ZNF253: variants seen among roughly 807,000 people sequenced by gnomAD.
ZNF253 encodes the protein DNA-binding protein.
Under a neutral mutation model 11.9 loss-of-function variants are expected in ZNF253, and 8 were observed. The ratio of observed to expected loss-of-function variants is 0.67; its 90% CI spans 0.40 to 1.22. The LOEUF (loss-of-function observed/expected upper bound fraction) is 1.22, where lower values mean the gene tolerates loss of function less well. Ranked by LOEUF, ZNF253 falls within the 50% of genes most tolerant of loss-of-function variation. ZNF253 has a pLI of 0.01. For synonymous variants in ZNF253, 194 were observed against 194.9 expected, an observed-to-expected ratio of 1.00 and a Z score of 0.04; for missense variants, 485 against 586.9, an observed-to-expected ratio of 0.83 and a Z score of 1.79.
intron 3 of ZNF253, among the ~76,000 whole-genome samples, chr19:19,884,022 A>C (rs1599555696): frequency 6.7e-6 from 1 of 149,260 alleles, no homozygotes; most frequent in Non-Finnish European, 1.5e-5. Context: ...GGGCCATTGC[A>C]CTCCAGCCTG....
rs572120316 is a variant in ZNF253, at chr19:19,870,263, G to A, written c.3+4264G>A. Reference sequence around the variant, plus strand: ...AAAAATTAGCTGGGTGTGGTGGCACGCGCCTGTAATCCCAGCTACTTGGCA... The same window carrying A: ...AAAAATTAGCTGGGTGTGGTGGCACACGCCTGTAATCCCAGCTACTTGGCA... On this transcript the variant is annotated intron_variant, in intron 1 of 3. Transcript: ENST00000589717. 2.4e-4 allele frequency among the ~76,000 whole-genome samples: 37 copies of A among 151,744 alleles called. No individual in the cohort carries two copies. In the South Asian group the frequency reaches 6.5e-3, roughly 26 times the overall value.
chr19:19,885,911 C>T (rs1318605645), intron 3 of ZNF253, among the ~76,000 whole-genome samples: 1 of 152,078 alleles, frequency 6.6e-6, no homozygotes, highest in African/African-American at 2.4e-5. Flanking sequence ...TTGAATTTGC[C>T]ATTTGACTTT....
Position 19,892,076 on chromosome 19 carries a change from G to T in ZNF253, c.829G>T (p.Val277Phe). ...CACAGACCTTACTACACATAAGATA[G>T]TTCATACTGGAGAGAAACCCTACAA... Reference protein sequence around the residue: ...RSTDLTTHKIVHTGEKPYKCE... With the variant: ...RSTDLTTHKIFHTGEKPYKCE... Residue 277 changes from valine to phenylalanine, a missense_variant, in exon 4 of 4, where the codon GTT becomes TTT. This residue lies in a region of ZNF253 where 232 missense variants were observed against 321.4 expected (regional missense o/e 0.72). Transcript: ENST00000589717. 7 of 1,593,260 alleles carry T rather than the reference G, an allele frequency of 4.4e-6. No homozygotes were observed. The highest frequency in any genetic ancestry group is 6.0e-6 in the Non-Finnish European group (7 of 1,172,070).
In ZNF253 at chr19:19,880,068, C is replaced by T; in HGVS notation, c.148C>T (p.Pro50Ser). The T allele has an allele frequency of 6.2e-7, 1 of 1,605,446 alleles. No individual in the cohort carries two copies. Among genetic ancestry groups the T allele is most frequent in the South Asian group, 1.1e-5 (1 of 89,882 alleles). ...TAAAACAGGTATTGTTGTCTCTAAG[C>T]CAGACCTGGTTACCTGTCTGGAGCA... is the stretch of plus-strand genomic sequence containing the variant. ...LVFLGIVVSK[P>S]DLVTCLEQGK... The change falls in exon 3 of 4, where the codon CCA (proline) becomes TCA (serine). Residue 50 changes from proline to serine, a missense_variant. By Grantham distance (74) the Pro-to-Ser change is moderately conservative. This residue lies in a region of ZNF253 where 218 missense variants were observed against 213.1 expected (regional missense o/e 1.02). Coordinates refer to ENST00000589717, the MANE Select transcript of ZNF253 (RefSeq NM_021047.3).
In ZNF253 at chr19:19,891,582, TA is replaced by T. The variant is rs774038489; in HGVS notation, c.342del (p.Gly115AlafsTer22). On this transcript the variant is annotated frameshift_variant, in exon 4 of 4. Transcript: ENST00000589717. LOFTEE classifies it low-confidence loss of function (END_TRUNC). ...GAATGCAGACATGACAATTTACAGT[TA>T]AAAAAAGGCTGTAAAAGCGTGGGTG... is the stretch of plus-strand genomic sequence containing the variant. The part of the protein sequence containing the change: ...YEECRHDNLQ[L>X]KKGCKSVGEH... 14 of 1,613,862 alleles carry T rather than the reference TA, an allele frequency of 8.7e-6. No homozygotes were observed. The African/African-American group carries it at 1.9e-4, about 22-fold the overall frequency.
In ZNF253 at chr19:19,875,179, G is replaced by A. The variant is rs79355544; in HGVS notation, c.4-3302G>A. The stretch of plus-strand genomic sequence containing the variant: ...GCTGCCTTTCTAGAGCTGGTGCTTA[G>A]AATTTACTGAAACTCAAAAGCAGAT... On this transcript the variant is annotated intron_variant, in intron 1 of 3. Coordinates refer to ENST00000589717, the MANE Select transcript of ZNF253 (RefSeq NM_021047.3). Among the ~76,000 whole-genome samples the A allele has an allele frequency of 9.2e-5, 14 of 151,986 alleles. No individual in the cohort carries two copies. In the East Asian group the frequency reaches 1.9e-3, roughly 21 times the overall value.
rs769545954 is a variant in ZNF253, at chr19:19,892,528, A to G, written c.1281A>G (p.Glu427=). 6.2e-7 allele frequency: 1 copy of G among 1,613,950 alleles called. No individual in the cohort carries two copies. The change falls in exon 4 of 4, where the codon GAA becomes GAG. Residue 427 remains glutamate (E), a synonymous_variant. Coordinates refer to ENST00000589717, the MANE Select transcript of ZNF253 (RefSeq NM_021047.3). ...THTGEKPYKC[E]ECGKSFTASS... is the part of the protein sequence containing the mutation. ...CTGGAGAGAAACCCTACAAATGTGA[A>G]GAATGTGGCAAATCCTTTACTGCAT... is the stretch of plus-strand genomic sequence containing the variant.
chr19:19,885,281 T>C (rs867076517), intron 3 of ZNF253, among the ~76,000 whole-genome samples: 2 of 41,628 alleles, frequency 4.8e-5, no homozygotes, highest in Non-Finnish European at 7.6e-5. Context: ...CTTTCTTTCT[T>C]TCTTTCTTTC....
rs1162456298 is a variant in ZNF253, at chr19:19,885,216, ATTCTTTCTTTCTTTCTTTCTTTCT to A, written c.226+5123_226+5146del. Among the ~76,000 whole-genome samples the A allele has an allele frequency of 6.6e-3, 459 of 69,306 alleles. 15 individuals are homozygous for A. The highest frequency in any genetic ancestry group is 0.01 in the Admixed American group (65 of 6,364). 45.5% of individuals were successfully genotyped at this position (69,306 alleles called of 152,430 possible). A position where few individuals can be genotyped will look rare whatever the true frequency, so the allele number is the denominator to read the frequency against. On this transcript the variant is annotated intron_variant, in intron 3 of 3. Coordinates refer to ENST00000589717, the MANE Select transcript of ZNF253 (RefSeq NM_021047.3). ...GACCAATGTCATGTCTTTTTTTTGTATTCTTTCTTTCTTTCTTTCTTTCTTTCTTTCTTTCTTTCTTTCTTTCTT... is the reference window on the plus strand; with the variant it reads ...GACCAATGTCATGTCTTTTTTTTGTATTCTTTCTTTCTTTCTTTCTTTCTT...
intron 1 of ZNF253, among the ~76,000 whole-genome samples, chr19:19,872,597 A>G (rs2145260388): frequency 6.9e-6 from 1 of 144,028 alleles, no homozygotes; most frequent in African/African-American, 2.7e-5. Flanking sequence ...ATATATATAT[A>G]TATAATCAAG....
Position 19,873,375 on chromosome 19 carries a change from A to G in ZNF253, c.4-5106A>G, listed in dbSNP as rs951219700. ...GCAGTTCTGTTTTTTATTTAGAATC[A>G]GCCCGAGTCTCTCCAGCCTGGCTTA... On this transcript the variant is annotated intron_variant, in intron 1 of 3. Coordinates refer to ENST00000589717, the MANE Select transcript of ZNF253 (RefSeq NM_021047.3). Among the ~76,000 whole-genome samples, 4 of 151,954 alleles carry G rather than the reference A, an allele frequency of 2.6e-5. No individual in the cohort carries two copies. In the East Asian group the frequency reaches 5.8e-4, roughly 22 times the overall value.
chr19:19,867,426 A>AT (rs1299539475), intron 1 of ZNF253, among the ~76,000 whole-genome samples: 3 of 152,092 alleles, frequency 2.0e-5, no homozygotes, highest in Non-Finnish European at 4.4e-5. Flanking sequence ...CTGTGGAGTG[A>AT]TGCAGCCTTA....
rs1489775772 is a variant in ZNF253, at chr19:19,894,628, A to G, written c.*1881A>G. On this transcript the variant is annotated 3_prime_UTR_variant, in exon 4 of 4. Coordinates refer to ENST00000589717, the MANE Select transcript of ZNF253 (RefSeq NM_021047.3). Reference sequence around the variant, plus strand: ...GCGGAACATCTTAAAACTTTTTTTCAAAAATCATAATGAATTATTTTATTA... The same window carrying G: ...GCGGAACATCTTAAAACTTTTTTTCGAAAATCATAATGAATTATTTTATTA... 4.6e-5 allele frequency: 7 copies of G among 152,174 alleles called. No homozygotes were observed. Among genetic ancestry groups the G allele is most frequent in the African/African-American group, 1.7e-4 (7 of 41,450 alleles). The allele number at this position is 152,174 out of a possible 1,614,324, so 9.4% of individuals were successfully genotyped here.
intron 1 of ZNF253, chr19:19,871,011 C>T (rs2063131790): frequency 6.6e-6 from 1 of 152,168 alleles, no homozygotes; most frequent in Non-Finnish European, 1.5e-5. Flanking sequence ...TCAAAATAAT[C>T]TGGCTCAGAT....
chr19:19,867,024 C>T (rs1050856888), intron 1 of ZNF253, among the ~76,000 whole-genome samples: 1 of 152,134 alleles, frequency 6.6e-6, no homozygotes. Context: ...TGTCAGGGTT[C>T]ACAGTTTCCC....
At chr19:19,871,811 G>A (rs1462482303) in intron 1 of ZNF253, among the ~76,000 whole-genome samples, 2 of 151,992 alleles carry the variant, frequency 1.3e-5, no homozygotes, top group African/African-American at 4.8e-5. Context: ...TCTTTCTTTT[G>A]TCTTATTGTG....
intron 3 of ZNF253, among the ~76,000 whole-genome samples, chr19:19,885,699 A>G (rs2063203968): frequency 6.6e-6 from 1 of 151,806 alleles, no homozygotes; most frequent in South Asian, 2.1e-4. Context: ...CTTGTTTTGT[A>G]TTTTTTCTAA....
At chr19:19,877,205 T>C (rs2063159223) in intron 1 of ZNF253, among the ~76,000 whole-genome samples, 1 of 152,206 alleles carries the variant, frequency 6.6e-6, no homozygotes, top group African/African-American at 2.4e-5. Flanking sequence ...AGGTACCTGC[T>C]CTCTAGGGAG....
At chr19:19,866,311 C>G (rs2063110714) in intron 1 of ZNF253, among the ~76,000 whole-genome samples, 1 of 152,082 alleles carries the variant, frequency 6.6e-6, no homozygotes, top group Non-Finnish European at 1.5e-5. Flanking sequence ...CGGTTCCCTG[C>G]GGGTTCATGA....
Sources: gnomAD v4.1 joint callset for allele counts (sites outside exome capture counted in the v4.1 genomes callset) on GRCh38, gnomAD v4.1.1 for gene constraint, gnomAD v4.1.1 regional missense constraint, MANE v1.5 for transcripts, NCBI Gene and HGNC (gene_info 2026-07-23, HGNC 2026-07-21) for gene names.